Variants in C12orf54 observed in about 807,000 individuals in gnomAD.
C12orf54 encodes the protein uncharacterized protein C12orf54.
Under a neutral mutation model 26.4 loss-of-function variants are expected in C12orf54, and 24 were observed. The ratio of observed to expected loss-of-function variants is 0.91; its 90% CI spans 0.66 to 1.28. C12orf54 has a LOEUF of 1.28. Among genes scored for constraint, C12orf54 ranks in the 50% most tolerant of loss-of-function variants. The pLI, the probability that C12orf54 is intolerant of heterozygous loss-of-function variation, is 0.00. For missense variants in C12orf54, 154 were observed against 150.9 expected, an observed-to-expected ratio of 1.02 and a Z score of -0.11; for synonymous variants, 54 against 47.0, an observed-to-expected ratio of 1.15 and a Z score of -0.61.
chr12:48,421,595 T>A, the C12orf54 span, among the ~76,000 whole-genome samples: 31 of 135,770 alleles, frequency 2.3e-4, no homozygotes, highest in Non-Finnish European at 4.0e-4. Context: ...AGTGGCACGA[T>A]CTCAGCTCAC....
the C12orf54 span, among the ~76,000 whole-genome samples, chr12:48,446,520 G>A: frequency 3.7e-3 from 568 of 152,252 alleles, 1 homozygote; most frequent in Non-Finnish European, 6.2e-3. Flanking sequence ...GTTGGCCAAA[G>A]GGATGGCAAA....
intron 6 of C12orf54, among the ~76,000 whole-genome samples, chr12:48,491,512 G>A (rs1329766160): frequency 6.6e-6 from 1 of 152,178 alleles, no homozygotes; most frequent in Admixed American, 6.5e-5. Context: ...TTCTCCCTTG[G>A]AATGGTTGTT....
chr12:48,435,470 A>G, the C12orf54 span, among the ~76,000 whole-genome samples: 40 of 152,360 alleles, frequency 2.6e-4, no homozygotes, highest in Admixed American at 6.5e-4. Context: ...CAGATTCATC[A>G]AAGTGGAAAT....
the C12orf54 span, among the ~76,000 whole-genome samples, chr12:48,436,654 T>TATGG: frequency 6.6e-6 from 1 of 152,172 alleles, no homozygotes; most frequent in Non-Finnish European, 1.5e-5. Flanking sequence ...CCTGAATGAC[T>TATGG]ATGGGGTACA....
At chr12:48,483,964 CG>C in intron 2 of C12orf54, among the ~76,000 whole-genome samples, 1 of 152,246 alleles carries the variant, frequency 6.6e-6, no homozygotes, top group African/African-American at 2.4e-5. Flanking sequence ...GAGGCCAAGG[CG>C]GGCGGATCAC....
chr12:48,481,437 A>G (rs1331872751), upstream of C12orf54, among the ~76,000 whole-genome samples: 1 of 152,096 alleles, frequency 6.6e-6, no homozygotes. Flanking sequence ...AGTAACCTCT[A>G]ATCAGAGTCT....
chr12:48,479,369 G>T (rs893638097), upstream of C12orf54, among the ~76,000 whole-genome samples: 1 of 152,082 alleles, frequency 6.6e-6, no homozygotes, highest in Non-Finnish European at 1.5e-5. Context: ...CTGTGTGGTG[G>T]CGGGAGTGGG....
At chr12:48,463,949 A>G in the C12orf54 span, among the ~76,000 whole-genome samples, 3 of 152,150 alleles carry the variant, frequency 2.0e-5, no homozygotes, top group African/African-American at 7.2e-5. Context: ...AATAAGAGCC[A>G]TCTATAACAA....
At chr12:48,449,231 G>A in the C12orf54 span, among the ~76,000 whole-genome samples, 8 of 152,080 alleles carry the variant, frequency 5.3e-5, no homozygotes, top group Non-Finnish European at 1.2e-4. Flanking sequence ...TTCAGGAGTG[G>A]GAAGGCCTGA....
chr12:48,440,277 G>T, the C12orf54 span, among the ~76,000 whole-genome samples: 56 of 152,192 alleles, frequency 3.7e-4, no homozygotes, highest in South Asian at 1.5e-3. Flanking sequence ...GCAGAAAAAT[G>T]TCCTTGTTCT....
chr12:48,466,431 G>A, the C12orf54 span, among the ~76,000 whole-genome samples: 2 of 151,978 alleles, frequency 1.3e-5, no homozygotes, highest in African/African-American at 4.8e-5. Context: ...TGTAATCCCA[G>A]CTACTCAGGA....
Position 48,494,919 on chromosome 12 carries a change from G to A in C12orf54, c.364G>A (p.Ala122Thr), listed in dbSNP as rs778833460. 3.1e-6 allele frequency: 5 copies of A among 1,613,466 alleles called. No individual in the cohort carries two copies. Among genetic ancestry groups the A allele is most frequent in the Non-Finnish European group, 4.2e-6 (5 of 1,179,358 alleles). ...GAAGACACAGCTCTTCAGTCAATCAGCTTACTACCCTGGACCCTAACTCTA... is the reference window on the plus strand; with the variant it reads ...GAAGACACAGCTCTTCAGTCAATCAACTTACTACCCTGGACCCTAACTCTA... Reference protein sequence around the residue: ...NLKTQLFSQSAYYPGP With the variant: ...NLKTQLFSQSTYYPGP The change falls in exon 8 of 9, where the codon GCT becomes ACT. Residue 122 changes from alanine (A) to threonine (T), a missense_variant. Transcript: ENST00000548364.
At chr12:48,435,467 A>C in the C12orf54 span, among the ~76,000 whole-genome samples, 28 of 152,364 alleles carry the variant, frequency 1.8e-4, no homozygotes, top group Non-Finnish European at 3.8e-4. Context: ...TGTCAGATTC[A>C]TCAAAGTGGA....
At chr12:48,416,239 C>T in the C12orf54 span, among the ~76,000 whole-genome samples, 1 of 152,166 alleles carries the variant, frequency 6.6e-6, no homozygotes. Context: ...CAAAACTCTC[C>T]TATATCACTG....
rs752534792 is a variant in C12orf54, at chr12:48,492,961, T to TC, written c.210dup (p.Met71HisfsTer86). The TC allele has an allele frequency of 3.1e-6, 5 of 1,613,970 alleles. No individual in the cohort carries two copies. Among genetic ancestry groups the TC allele is most frequent in the Middle Eastern group, 1.6e-4 (1 of 6,084 alleles). On this transcript the variant is annotated frameshift_variant, in exon 7 of 9. Coordinates refer to ENST00000548364, the MANE Select transcript of C12orf54 (RefSeq NM_152319.4). LOFTEE classifies it high-confidence loss of function. ...GTCCACTTTAGGGATGAGCAACTGC[T>TC]CCATGACACCCATGACATCAGCACC... is the stretch of plus-strand genomic sequence containing the variant.
At chr12:48,468,737 G>A in the C12orf54 span, among the ~76,000 whole-genome samples, 1 of 152,068 alleles carries the variant, frequency 6.6e-6, no homozygotes, top group Admixed American at 6.6e-5. Flanking sequence ...TACCCAATAG[G>A]TAGTTTTCCA....
At chr12:48,433,460 G>C in the C12orf54 span, among the ~76,000 whole-genome samples, 456 of 148,296 alleles carry the variant, frequency 3.1e-3, 1 homozygote, top group Non-Finnish European at 4.4e-3. Flanking sequence ...TTTTTTGGGG[G>C]GGGGGGGGGC....
the C12orf54 span, among the ~76,000 whole-genome samples, chr12:48,436,625 G>T: frequency 6.6e-6 from 1 of 152,046 alleles, no homozygotes; most frequent in Non-Finnish European, 1.5e-5. Flanking sequence ...TCAACTACAT[G>T]GAAACTGAAC....
chr12:48,433,859 T>C, the C12orf54 span, among the ~76,000 whole-genome samples: 1 of 152,184 alleles, frequency 6.6e-6, no homozygotes, highest in African/African-American at 2.4e-5. Flanking sequence ...AGGTGATTTC[T>C]GCATTTCCAT....
Sources: allele counts gnomAD v4.1 joint callset (sites outside exome capture counted in the v4.1 genomes callset), GRCh38; gene constraint gnomAD v4.1.1; transcripts MANE v1.5; gene names NCBI Gene and HGNC (gene_info 2026-07-23, HGNC 2026-07-21).